The following LEPROT variants were observed in gnomAD, a reference collection of about 807,000 sequenced individuals.
LEPROT encodes leptin receptor gene-related protein.
In LEPROT, 3 loss-of-function variants were observed where a neutral mutation model predicts 15.4. The observed-to-expected ratio is 0.19, with a 90% CI of 0.09 to 0.50. LEPROT has a LOEUF of 0.50. Ranked by LOEUF, LEPROT falls within the 20% of genes least tolerant of loss-of-function variation. The pLI is 0.97. For missense variants in LEPROT, 137 were observed against 162.2 expected (o/e 0.84, Z 0.84); for synonymous variants, 59 against 57.5 (o/e 1.03, Z -0.12).
At chr1:65,427,715 A>G in intron 2 of LEPROT, 1 of 322,654 alleles carries the variant, frequency 3.1e-6, no homozygotes, top group Non-Finnish European at 6.3e-6. Flanking sequence ...AAGGTAAGAA[A>G]ATGACTCATT....
In LEPROT at chr1:65,425,316, A is replaced by T; in HGVS notation, c.30A>T (p.Leu10Phe). 1 of 1,612,046 alleles carries T rather than the reference A, an allele frequency of 6.2e-7. No homozygotes were observed. Among genetic ancestry groups the T allele is most frequent in the East Asian group, 2.2e-5 (1 of 44,776 alleles). Reference sequence around the variant, plus strand: ...TATTTTTCACAGCTCTCGTGGCATTATCCTTCAGTGGGGCTATTGGACTGA... The same window carrying T: ...TATTTTTCACAGCTCTCGTGGCATTTTCCTTCAGTGGGGCTATTGGACTGA... MAGVKALVA[L>F]SFSGAIGLTF... Residue 10 changes from leucine (L) to phenylalanine (F), a missense_variant, in exon 2 of 4, where the codon TTA becomes TTT. Leu to Phe is a conservative substitution (Grantham distance 22, BLOSUM62 0). Coordinates refer to ENST00000371065, the MANE Select transcript of LEPROT (RefSeq NM_017526.5).
In LEPROT at chr1:65,432,811, A is replaced by T. The variant is rs531788382; in HGVS notation, c.*892A>T. The T allele has an allele frequency of 8.6e-5, 47 of 549,146 alleles. No individual in the cohort carries two copies. The African/African-American group carries it at 9.2e-4, about 11-fold the overall frequency. 34.0% of individuals were successfully genotyped at this position (549,146 alleles called of 1,614,324 possible). The stretch of plus-strand genomic sequence containing the variant: ...AATATTGCTAAGAGAGTAAATTTCT[A>T]ATGTTCTCATAAAAAAGTTAAATAT... On this transcript the variant is annotated 3_prime_UTR_variant, in exon 4 of 4. Coordinates refer to ENST00000371065, the MANE Select transcript of LEPROT (RefSeq NM_017526.5).
Position 65,434,623 on chromosome 1 carries a change from G to A in LEPROT, c.*2704G>A. On this transcript the variant is annotated 3_prime_UTR_variant, in exon 4 of 4. Transcript: ENST00000371065. ...GGGTCTCTGAGACAGGGTAGTGTGA[G>A]TAGTTTGGAGGAAGGACAGTGCAAC... is the stretch of plus-strand genomic sequence containing the variant. 1.0e-6 allele frequency: 1 copy of A among 985,452 alleles called. No individual in the cohort carries two copies. The highest frequency in any genetic ancestry group is 1.7e-5 in the African/African-American group (1 of 57,340). The allele number at this position is 985,452 out of a possible 1,614,324, so 61.0% of individuals were successfully genotyped here.
At chr1:65,423,282 A>G (rs1204084199) in intron 1 of LEPROT, among the ~76,000 whole-genome samples, 1 of 152,152 alleles carries the variant, frequency 6.6e-6, no homozygotes, top group African/African-American at 2.4e-5. Context: ...AGTTTTCAGC[A>G]GGAGTGCGTG....
intron 2 of LEPROT, among the ~76,000 whole-genome samples, chr1:65,429,401 G>A (rs1646443306): frequency 6.6e-6 from 1 of 152,162 alleles, no homozygotes. Flanking sequence ...GGAAGAAGTA[G>A]ATAATACCAG....
Position 65,433,074 on chromosome 1 carries a change from C to A in LEPROT, c.*1155C>A. The A allele has an allele frequency of 1.0e-6, 1 of 985,346 alleles. No individual in the cohort carries two copies. The highest frequency in any genetic ancestry group is 1.2e-6 in the Non-Finnish European group (1 of 829,848). The allele number at this position is 985,346 out of a possible 1,614,324, so 61.0% of individuals were successfully genotyped here. A position where few individuals can be genotyped will look rare whatever the true frequency, so the allele number is the denominator to read the frequency against. On this transcript the variant is annotated 3_prime_UTR_variant, in exon 4 of 4. Transcript: ENST00000371065. ...GCGGGCAGGGAGGCTGGGCTCGAGC[C>A]AGCCCCTGCGTTAGCAGGAGGGGGA...
At position 65,420,709 on chromosome 1, in the gene LEPROT, C is replaced by T; in HGVS notation, c.-16C>T. 1 of 1,580,188 alleles carries T rather than the reference C, an allele frequency of 6.3e-7. No individual in the cohort carries two copies. The highest frequency in any genetic ancestry group is 1.2e-5 in the South Asian group (1 of 86,236). On this transcript the variant is annotated 5_prime_UTR_variant, in exon 1 of 4. Coordinates refer to ENST00000371065, the MANE Select transcript of LEPROT (RefSeq NM_017526.5). ...GGCAGGAAGCCGGAAGCAGCCGCGG[C>T]CCCAGTTCGGGAGACATGGCGGGCG...
chr1:65,426,852 GC>G (rs1324630865), intron 2 of LEPROT, among the ~76,000 whole-genome samples: 1 of 152,196 alleles, frequency 6.6e-6, no homozygotes, highest in African/African-American at 2.4e-5. Flanking sequence ...CAAAAAATTA[GC>G]TGGGCGTGGT....
At chr1:65,425,016 T>A (rs9436739) in intron 1 of LEPROT, among the ~76,000 whole-genome samples, 19,015 of 152,214 alleles carry the variant, frequency 0.12, 1,246 homozygotes, top group African/African-American at 0.14. Context: ...ATTGCTACAT[T>A]TGCTTGAATT....
intron 1 of LEPROT, among the ~76,000 whole-genome samples, chr1:65,422,744 A>G (rs1392222588): frequency 2.0e-5 from 3 of 152,234 alleles, no homozygotes; most frequent in Admixed American, 1.3e-4. Flanking sequence ...CTTAAGCTAC[A>G]TTAGTAAGAC....
intron 1 of LEPROT, among the ~76,000 whole-genome samples, chr1:65,422,335 T>TTGGCAACCATGC (rs144053797): frequency 0.45 from 68,058 of 150,966 alleles, 15,823 homozygotes; most frequent in East Asian, 0.85. Flanking sequence ...CCAAAGATTG[T>TTGGCAACCATGC]TGGCAACCAT....
chr1:65,429,790 T>C (rs1373839043), intron 2 of LEPROT, 72 bp from the exon 3 acceptor site: 28 of 1,211,970 alleles, frequency 2.3e-5, no homozygotes, highest in Non-Finnish European at 3.1e-5. Flanking sequence ...GATTTTGAAA[T>C]AGTAGTATGT....
chr1:65,421,454 A>T, intron 1 of LEPROT: 1 of 1,536,072 alleles, frequency 6.5e-7, no homozygotes, highest in Admixed American at 2.0e-5. Flanking sequence ...GGCTTCCTGT[A>T]TTTTGGTAGG....
chr1:65,428,543 T>A (rs1646424076), intron 2 of LEPROT, among the ~76,000 whole-genome samples: 1 of 152,160 alleles, frequency 6.6e-6, no homozygotes, highest in African/African-American at 2.4e-5. Context: ...CCATCCTGAG[T>A]CCTCTTGAAG....
chr1:65,421,453 T>A (rs1373111900), intron 1 of LEPROT: 1 of 1,536,102 alleles, frequency 6.5e-7, no homozygotes, highest in Non-Finnish European at 8.7e-7. Context: ...AGGCTTCCTG[T>A]ATTTTGGTAG....
At position 65,432,566 on chromosome 1, in the gene LEPROT, T is replaced by TA. The variant is rs36067009; in HGVS notation, c.*662dup. 0.15 allele frequency: 132,424 copies of TA among 871,912 alleles called. 1,991 individuals are homozygous for TA. Among genetic ancestry groups the TA allele is most frequent in the South Asian group, 0.21 (4,016 of 19,012 alleles). 54.0% of individuals were successfully genotyped at this position (871,912 alleles called of 1,614,324 possible). A position where few individuals can be genotyped will look rare whatever the true frequency, so the allele number is the denominator to read the frequency against. On this transcript the variant is annotated 3_prime_UTR_variant, in exon 4 of 4. Transcript: ENST00000371065. ...TCTGGGTGTTACCTGCTCATTTGTT[T>TA]AAAAAAAAAAAAAAAGTCTCACCTG...
chr1:65,422,655 G>A (rs1478011041), intron 1 of LEPROT, among the ~76,000 whole-genome samples: 2 of 152,358 alleles, frequency 1.3e-5, no homozygotes, highest in East Asian at 3.9e-4. Context: ...AGTGAAGGTG[G>A]AGTATATCCC....
Position 65,432,844 on chromosome 1 carries a change from C to T in LEPROT, c.*925C>T. 1.5e-6 allele frequency: 1 copy of T among 655,370 alleles called. No individual in the cohort carries two copies. The allele number at this position is 655,370 out of a possible 1,614,324, so 40.6% of individuals were successfully genotyped here. A position where few individuals can be genotyped will look rare whatever the true frequency, so the allele number is the denominator to read the frequency against. On this transcript the variant is annotated 3_prime_UTR_variant, in exon 4 of 4. Transcript: ENST00000371065. ...CATAAAAAAGTTAAATATTTGAGAT[C>T]ATATGTTAATTAGTGTAATCATTCC... is the stretch of plus-strand genomic sequence containing the variant.
At chr1:65,420,784 C>A in intron 1 of LEPROT, 44 bp downstream of exon 1, 1 of 1,565,188 alleles carries the variant, frequency 6.4e-7, no homozygotes, top group Non-Finnish European at 8.7e-7. Flanking sequence ...GTGGGGTTGC[C>A]ACCTCCGTTC....
Sources: allele counts gnomAD v4.1 joint callset (sites outside exome capture counted in the v4.1 genomes callset), GRCh38; gene constraint gnomAD v4.1.1; transcripts MANE v1.5; gene names NCBI Gene and HGNC (gene_info 2026-07-23, HGNC 2026-07-21).